Variants in UBE2E1 observed in about 807,000 individuals in gnomAD.
UBE2E1 encodes ubiquitin conjugating enzyme E2 E1, also known as ubiquitin-conjugating enzyme E2 E1.
UBE2E1 carries 6 observed loss-of-function variants against 21.4 expected under a neutral mutation model. The ratio of observed to expected loss-of-function variants is 0.28; its 90% CI spans 0.15 to 0.55. The LOEUF (loss-of-function observed/expected upper bound fraction) is 0.55. UBE2E1 is among the 20% of genes least tolerant of loss of function. The pLI, the probability that UBE2E1 is intolerant of heterozygous loss-of-function variation, is 0.93. For synonymous variants in UBE2E1, 87 were observed against 82.7 expected, an observed-to-expected ratio of 1.05 and a Z score of -0.28; for missense variants, 142 against 236.5, an observed-to-expected ratio of 0.60 and a Z score of 2.62.
At chr3:23,856,667 C>A (rs996987197) in intron 3 of UBE2E1, among the ~76,000 whole-genome samples, 7 of 152,142 alleles carry the variant, frequency 4.6e-5, no homozygotes, top group African/African-American at 1.4e-4. Flanking sequence ...TCATACCACT[C>A]CAATGGGAAC....
At chr3:23,864,204 A>G (rs904755869) in intron 3 of UBE2E1, among the ~76,000 whole-genome samples, 13 of 151,716 alleles carry the variant, frequency 8.6e-5, no homozygotes, top group African/African-American at 3.1e-4. Context: ...TACTCCCACT[A>G]TTGCTTTTGA....
At chr3:23,879,362 T>A in intron 3 of UBE2E1, 1 of 583,550 alleles carries the variant, frequency 1.7e-6, no homozygotes, top group Non-Finnish European at 3.2e-6. Context: ...GTACAGTATT[T>A]ACAAATTCAT....
chr3:23,887,662 T>C lies in UBE2E1; in HGVS notation c.299T>C (p.Ile100Thr). 4 of 1,613,958 alleles carry C rather than the reference T, an allele frequency of 2.5e-6. No individual in the cohort carries two copies. The highest frequency in any genetic ancestry group is 2.5e-6 in the Non-Finnish European group (3 of 1,179,996). The change falls in exon 4 of 6, where the codon ATC becomes ACC. Residue 100 changes from isoleucine to threonine, a missense_variant. Around this residue, in one of 2 missense-constraint regions of UBE2E1, gnomAD observed 87 missense variants for 184.9 expected, o/e 0.47. Transcript: ENST00000306627. The surrounding 1 kb of genome is among the most constrained non-coding windows in gnomAD (Gnocchi z 4.4). ...GAGGGTGGTGTATTCTTTCTCGATA[T>C]CACTTTTACACCAGAATATCCCTTC... ...VYEGGVFFLD[I>T]TFTPEYPFKP...
chr3:23,838,452 A>T (rs1326569819), intron 3 of UBE2E1, among the ~76,000 whole-genome samples: 2 of 152,178 alleles, frequency 1.3e-5, no homozygotes, highest in African/African-American at 4.8e-5. Context: ...GAATGGTTAG[A>T]CCATTAACAT....
chr3:23,882,216 CAG>C (rs1320725634), intron 3 of UBE2E1, among the ~76,000 whole-genome samples: 3 of 104,744 alleles, frequency 2.9e-5, no homozygotes, highest in African/African-American at 1.7e-4. Flanking sequence ...GTGCATTTTA[CAG>C]AGAGCTGATT....
At chr3:23,881,012 C>T (rs1166238573) in intron 3 of UBE2E1, among the ~76,000 whole-genome samples, 2 of 152,144 alleles carry the variant, frequency 1.3e-5, no homozygotes, top group Admixed American at 6.5e-5. Flanking sequence ...GATATGTAGC[C>T]ACGCTGTCCA....
chr3:23,884,438 C>T (rs1297498791), intron 3 of UBE2E1, among the ~76,000 whole-genome samples: 1 of 152,096 alleles, frequency 6.6e-6, no homozygotes, highest in Non-Finnish European at 1.5e-5. Flanking sequence ...CTTGGGTCCC[C>T]TCTAGATATT....
Position 23,853,783 on chromosome 3 carries a change from G to A in UBE2E1, c.204-33784G>A, listed in dbSNP as rs1427813660. ...CAGTGCTCAAAAATTCCTGGTGGTG[G>A]TTTTTCAGGGATACCACCCAGTGAC... On this transcript the variant is annotated intron_variant, in intron 3 of 5. Coordinates refer to ENST00000306627, the MANE Select transcript of UBE2E1 (RefSeq NM_003341.5). The surrounding 1 kb of genome is among the most constrained non-coding windows in gnomAD (Gnocchi z 4.1). 6.6e-6 allele frequency among the ~76,000 whole-genome samples: 1 copy of A among 152,078 alleles called. No individual in the cohort carries two copies. The highest frequency in any genetic ancestry group is 6.5e-5 in the Admixed American group (1 of 15,276).
At position 23,862,730 on chromosome 3, in the gene UBE2E1, ATTAT is replaced by A. The variant is rs770856588; in HGVS notation, c.204-24830_204-24827del. ...TTTTCCTTTCCGTCTTATCTTTCTT[ATTAT>A]TTATTTTTTGAGACAGAGTCTTGCT... On this transcript the variant is annotated intron_variant, in intron 3 of 5. Transcript: ENST00000306627. Among the ~76,000 whole-genome samples the A allele has an allele frequency of 2.0e-5, 3 of 151,880 alleles. No individual in the cohort carries two copies. In the East Asian group the frequency reaches 5.8e-4, roughly 29 times the overall value.
At chr3:23,867,799 A>C (rs899747781) in intron 3 of UBE2E1, among the ~76,000 whole-genome samples, 27 of 152,204 alleles carry the variant, frequency 1.8e-4, no homozygotes, top group African/African-American at 6.3e-4. Flanking sequence ...GGGAGCAGAG[A>C]AGGCAGAACA....
chr3:23,885,776 C>T (rs1328266464), intron 3 of UBE2E1, among the ~76,000 whole-genome samples: 2 of 152,194 alleles, frequency 1.3e-5, no homozygotes, highest in African/African-American at 4.8e-5. Flanking sequence ...AAGAGAATCG[C>T]TTGAACCCGG....
At position 23,851,533 on chromosome 3, in the gene UBE2E1, G is replaced by A. The variant is rs1045704497; in HGVS notation, c.204-36034G>A. Among the ~76,000 whole-genome samples, 5 of 152,116 alleles carry A rather than the reference G, an allele frequency of 3.3e-5. No homozygotes were observed. The East Asian group carries it at 9.6e-4, about 29-fold the overall frequency. ...TATTAATTTTAGGCTGGGTACAGTGGCTCATGCCTACTATATTCCCAGCAC... is the reference window on the plus strand; with the variant it reads ...TATTAATTTTAGGCTGGGTACAGTGACTCATGCCTACTATATTCCCAGCAC... On this transcript the variant is annotated intron_variant, in intron 3 of 5. Coordinates refer to ENST00000306627, the MANE Select transcript of UBE2E1 (RefSeq NM_003341.5).
Position 23,808,081 on chromosome 3 carries a change from T to C in UBE2E1, c.152+660T>C, listed in dbSNP as rs1699315452. Among the ~76,000 whole-genome samples the C allele has an allele frequency of 1.3e-5, 2 of 152,268 alleles. No individual in the cohort carries two copies. ...CAATTTCAGGGAGACTTGTCTTTTTTTCATGCTATTTGCTGTCCTCATGCT... is the reference window on the plus strand; with the variant it reads ...CAATTTCAGGGAGACTTGTCTTTTTCTCATGCTATTTGCTGTCCTCATGCT... On this transcript the variant is annotated intron_variant, in intron 2 of 5. Coordinates refer to ENST00000306627, the MANE Select transcript of UBE2E1 (RefSeq NM_003341.5). The surrounding 1 kb of genome is among the most constrained non-coding windows in gnomAD (Gnocchi z 4.9).
At chr3:23,869,351 CTTTTTTTTTTTTTT>C (rs58059005) in intron 3 of UBE2E1, among the ~76,000 whole-genome samples, 7 of 114,616 alleles carry the variant, frequency 6.1e-5, no homozygotes, top group African/African-American at 2.9e-4. Context: ...TTATGGTATC[CTTTTTTTTTTTTTT>C]TTTTTTTTTT....
At chr3:23,824,896 A>C (rs1481258958) in intron 3 of UBE2E1, among the ~76,000 whole-genome samples, 1 of 152,142 alleles carries the variant, frequency 6.6e-6, no homozygotes, top group Admixed American at 6.5e-5. Context: ...AAGCCGGAAA[A>C]CAGTTTGTGA....
In UBE2E1 at chr3:23,853,066, G is replaced by A. The variant is rs1002017305; in HGVS notation, c.204-34501G>A. Among the ~76,000 whole-genome samples, 2 of 151,922 alleles carry A rather than the reference G, an allele frequency of 1.3e-5. No individual in the cohort carries two copies. Among genetic ancestry groups the A allele is most frequent in the East Asian group, 1.9e-4 (1 of 5,182 alleles). On this transcript the variant is annotated intron_variant, in intron 3 of 5. Coordinates refer to ENST00000306627, the MANE Select transcript of UBE2E1 (RefSeq NM_003341.5). The surrounding 1 kb of genome is among the most constrained non-coding windows in gnomAD (Gnocchi z 4.1). ...CAAGTAGCTGGGATTACAGGCATGCGGCACCACACCCAGCTAATTTTATTT... is the reference window on the plus strand; with the variant it reads ...CAAGTAGCTGGGATTACAGGCATGCAGCACCACACCCAGCTAATTTTATTT...
chr3:23,845,583 C>G (rs1262565913), intron 3 of UBE2E1, among the ~76,000 whole-genome samples: 662 of 48,796 alleles, frequency 0.014, 1 homozygote, highest in Middle Eastern at 0.026. Context: ...CTCTCTCTCT[C>G]TCTCTCTGTG....
chr3:23,864,072 A>AT (rs1276437064), intron 3 of UBE2E1, among the ~76,000 whole-genome samples: 1 of 152,036 alleles, frequency 6.6e-6, no homozygotes, highest in Non-Finnish European at 1.5e-5. Context: ...TTGGGAGATA[A>AT]TTTTTTAGAG....
At chr3:23,821,830 A>C (rs1033512121) in intron 3 of UBE2E1, among the ~76,000 whole-genome samples, 5 of 152,148 alleles carry the variant, frequency 3.3e-5, no homozygotes, top group Admixed American at 1.3e-4. Flanking sequence ...GACTTGATAG[A>C]TTTGAAATCT....
Sources: gnomAD v4.1 joint callset for allele counts (sites outside exome capture counted in the v4.1 genomes callset) on GRCh38, gnomAD v4.1.1 for gene constraint, gnomAD v4.1.1 regional missense constraint, Gnocchi (gnomAD v3.1) non-coding constraint, MANE v1.5 for transcripts, NCBI Gene and HGNC (gene_info 2026-07-23, HGNC 2026-07-21) for gene names.